The following ESYT2 variants were observed in gnomAD, a reference collection of about 807,000 sequenced individuals.
ESYT2 encodes extended synaptotagmin-2.
A neutral mutation model predicts 107.2 loss-of-function variants in ESYT2; 54 were observed. The ratio of observed to expected loss-of-function variants is 0.50; its 90% CI spans 0.40 to 0.63. The LOEUF (loss-of-function observed/expected upper bound fraction) is 0.63, where lower values mean the gene tolerates loss of function less well. ESYT2 is among the 30% of genes least tolerant of loss of function. The pLI, the probability that ESYT2 is intolerant of heterozygous loss-of-function variation, is 0.00. For missense variants in ESYT2, 1,020 were observed against 1,094.5 expected (o/e 0.93, Z 0.96); for synonymous variants, 491 against 434.1 (o/e 1.13, Z -1.63).
At chr7:158,800,006 AC>A (rs1223075011) in intron 1 of ESYT2, among the ~76,000 whole-genome samples, 1 of 152,098 alleles carries the variant, frequency 6.6e-6, no homozygotes, top group Non-Finnish European at 1.5e-5. Context: ...ATGTTTCTAT[AC>A]ACATTTGCAT....
At chr7:158,738,787 A>T (rs532997680) in intron 19 of ESYT2, among the ~76,000 whole-genome samples, 1 of 152,350 alleles carries the variant, frequency 6.6e-6, no homozygotes, top group Non-Finnish European at 1.5e-5. Context: ...AAGGTACAGT[A>T]AAAATACAGT....
At chr7:158,754,987 G>A (rs1333426394) in intron 13 of ESYT2, among the ~76,000 whole-genome samples, 2 of 152,204 alleles carry the variant, frequency 1.3e-5, no homozygotes, top group East Asian at 1.9e-4. Context: ...TGGCCACCAT[G>A]AGTCAGAGGA....
chr7:158,751,345 G>T (rs552922908), intron 14 of ESYT2, among the ~76,000 whole-genome samples: 1 of 152,250 alleles, frequency 6.6e-6, no homozygotes, highest in Non-Finnish European at 1.5e-5. Context: ...TCTTAAAATG[G>T]ATGATGTTTT....
rs1233044151 is a variant in ESYT2 at position 158,759,536 on chromosome 7, G to T, written c.1369C>A (p.Leu457Ile). The change falls in exon 13 of 23, where the codon CTT becomes ATT. Residue 457 changes from leucine to isoleucine, a missense_variant. By Grantham distance (5) the Leu-to-Ile change is conservative (BLOSUM62 2). Coordinates refer to ENST00000275418, the MANE Select transcript of ESYT2 (RefSeq NM_001367773.1). ...TACAAGATCAGCAATGCAGAGGAAA[G>T]ACCATCGTTGGCTTGGTCTTTGTCA... ...KADKDQANDG[L>I]SSALLILYLD... 6.2e-7 allele frequency: 1 copy of T among 1,612,694 alleles called. No homozygotes were observed. Among genetic ancestry groups the T allele is most frequent in the African/African-American group, 1.3e-5 (1 of 74,924 alleles).
chr7:158,765,781 C>T (rs1218920291), intron 8 of ESYT2, among the ~76,000 whole-genome samples: 1 of 152,020 alleles, frequency 6.6e-6, no homozygotes, highest in Admixed American at 6.6e-5. Context: ...TAGTCCTTTC[C>T]CGAAAATATT....
chr7:158,758,329 C>T (rs752297202), intron 13 of ESYT2, among the ~76,000 whole-genome samples: 16 of 152,268 alleles, frequency 1.1e-4, no homozygotes, highest in South Asian at 2.1e-4. Context: ...GTTCTCAGAA[C>T]GTGGAAGGTG....
At chr7:158,785,809 G>GT (rs895940373) in intron 6 of ESYT2, among the ~76,000 whole-genome samples, 3 of 152,016 alleles carry the variant, frequency 2.0e-5, no homozygotes, top group African/African-American at 4.8e-5. Context: ...AATATTTAGG[G>GT]TTTTTTTCCT....
At chr7:158,755,906 C>T (rs77903060) in intron 13 of ESYT2, among the ~76,000 whole-genome samples, 1 of 152,152 alleles carries the variant, frequency 6.6e-6, no homozygotes, top group Non-Finnish European at 1.5e-5. Flanking sequence ...TTAGGAGAAA[C>T]ACCTAAGGTA....
Position 158,788,001 on chromosome 7 carries a change from T to G in ESYT2, c.747+3A>C, listed in dbSNP as rs934439133. The G allele has an allele frequency of 6.8e-6, 11 of 1,609,120 alleles. No individual in the cohort carries two copies. The highest frequency in any genetic ancestry group is 1.7e-5 in the Admixed American group (1 of 59,942). On this transcript the variant is annotated splice_donor_region_variant and intron_variant, in intron 6 of 22. Transcript: ENST00000275418. ...AATAAAAATGAAATAAATATTGACTTACTGGTTTCCTAAGGAAGAAGATAG... is the reference window on the plus strand; with the variant it reads ...AATAAAAATGAAATAAATATTGACTGACTGGTTTCCTAAGGAAGAAGATAG...
At chr7:158,790,076 TGGG>T (rs1839238621) in intron 4 of ESYT2, among the ~76,000 whole-genome samples, 1 of 149,814 alleles carries the variant, frequency 6.7e-6, no homozygotes, top group Non-Finnish European at 1.5e-5. Context: ...AGCGTCCTCC[TGGG>T]GCACTGCCTG....
chr7:158,754,230 C>T (rs530154575), intron 13 of ESYT2, among the ~76,000 whole-genome samples: 12 of 152,048 alleles, frequency 7.9e-5, no homozygotes, highest in African/African-American at 2.9e-4. Context: ...ATTTTTGAGA[C>T]GGAGTCTTGC....
chr7:158,738,489 T>A (rs1261799417), intron 19 of ESYT2, among the ~76,000 whole-genome samples: 1 of 151,554 alleles, frequency 6.6e-6, no homozygotes, highest in East Asian at 2.0e-4. Context: ...AGTTTCGCTC[T>A]TGTTGCCCAG....
At chr7:158,792,988 C>T (rs905150502) in intron 4 of ESYT2, among the ~76,000 whole-genome samples, 13 of 151,908 alleles carry the variant, frequency 8.6e-5, no homozygotes, top group African/African-American at 3.1e-4. Context: ...CACGATGGTC[C>T]TGATCTCCTG....
intron 1 of ESYT2, among the ~76,000 whole-genome samples, chr7:158,815,999 G>A (rs1459191673): frequency 6.6e-6 from 1 of 152,162 alleles, no homozygotes; most frequent in East Asian, 1.9e-4. Flanking sequence ...AGATGGTCAC[G>A]TCCTAATCCC....
chr7:158,779,030 A>G (rs541208704), intron 6 of ESYT2, among the ~76,000 whole-genome samples: 1 of 152,318 alleles, frequency 6.6e-6, no homozygotes, highest in African/African-American at 2.4e-5. Context: ...ATTTTAAATG[A>G]TAAAAACTGC....
intron 3 of ESYT2, among the ~76,000 whole-genome samples, chr7:158,796,484 T>G (rs1257111178): frequency 6.6e-6 from 1 of 152,214 alleles, no homozygotes; most frequent in Non-Finnish European, 1.5e-5. Context: ...GGTAAACACC[T>G]TAAACTTGTC....
rs35964789 is a variant in ESYT2 at position 158,739,116 on chromosome 7, G to A, written c.2174C>T (p.Thr725Met). 5.7e-3 allele frequency: 9,226 copies of A among 1,613,786 alleles called. 44 individuals are homozygous for A. The highest frequency in any genetic ancestry group is 7.3e-3 in the Non-Finnish European group (8,555 of 1,179,820). Reference sequence around the variant, plus strand: ...CCCCAGTGGAGACTGTCCCAGGGTCGTCCCGCTGTGGGAAAAGAGCAGAAA... The same window carrying A: ...CCCCAGTGGAGACTGTCCCAGGGTCATCCCGCTGTGGGAAAAGAGCAGAAA... ...RQRLRQLENG[T>M]TLGQSPLGQI... Residue 725 changes from threonine to methionine, a missense_variant, in exon 19 of 23, where the codon ACG becomes ATG. Coordinates refer to ENST00000275418, the MANE Select transcript of ESYT2 (RefSeq NM_001367773.1).
At chr7:158,772,647 A>C (rs1430013022) in intron 7 of ESYT2, among the ~76,000 whole-genome samples, 1 of 152,184 alleles carries the variant, frequency 6.6e-6, no homozygotes, top group African/African-American at 2.4e-5. Context: ...TGTTTCAGGT[A>C]ATGGCACCAC....
chr7:158,768,274 G>A (rs1451605944), intron 7 of ESYT2, among the ~76,000 whole-genome samples: 6 of 152,086 alleles, frequency 3.9e-5, no homozygotes, highest in Admixed American at 3.9e-4. Flanking sequence ...TTGTACACCA[G>A]TCCCCACTGA....
Sources: gnomAD v4.1 joint callset for allele counts (sites outside exome capture counted in the v4.1 genomes callset) on GRCh38, gnomAD v4.1.1 for gene constraint, MANE v1.5 for transcripts, NCBI Gene and HGNC (gene_info 2026-07-23, HGNC 2026-07-21) for gene names.